Variants in ACTR3C observed in about 807,000 individuals in gnomAD.
ACTR3C encodes the protein actin-related protein 3C.
Under a neutral mutation model 26.3 loss-of-function variants are expected in ACTR3C, and 18 were observed. That is an observed-to-expected ratio of 0.68 (90% CI 0.47 to 1.01). The LOEUF is 1.01. Among genes scored for constraint, ACTR3C ranks in the 50% least tolerant of loss-of-function variants. ACTR3C has a pLI of 0.00. For synonymous variants in ACTR3C, 55 were observed against 94.5 expected (o/e 0.58, Z 2.42); for missense variants, 184 against 250.7 (o/e 0.73, Z 1.80).
chr7:150,212,338 A>G, the ACTR3C span, among the ~76,000 whole-genome samples: 2 of 149,152 alleles, frequency 1.3e-5, no homozygotes, highest in African/African-American at 5.2e-5. Context: ...ACTGCCCTCT[A>G]TTCCTGGAAA....
chr7:150,179,480 G>A, the ACTR3C span, among the ~76,000 whole-genome samples: 4 of 145,178 alleles, frequency 2.8e-5, no homozygotes, highest in Non-Finnish European at 6.0e-5. Context: ...ATAAACCACA[G>A]TAAACCAGCT....
At chr7:150,096,367 T>G in the ACTR3C span, among the ~76,000 whole-genome samples, 29 of 151,268 alleles carry the variant, frequency 1.9e-4, 1 homozygote, top group African/African-American at 5.4e-4. Flanking sequence ...CACCCCTATG[T>G]CTCCATGAAC....
chr7:150,034,599 T>C, the ACTR3C span, among the ~76,000 whole-genome samples: 3 of 151,654 alleles, frequency 2.0e-5, no homozygotes, highest in Non-Finnish European at 4.4e-5. Flanking sequence ...CTCCGGTAGA[T>C]TGCAAATAAC....
At chr7:150,104,816 T>C in the ACTR3C span, among the ~76,000 whole-genome samples, 1 of 152,062 alleles carries the variant, frequency 6.6e-6, no homozygotes. Context: ...GGCCTAAGTC[T>C]GTCAATGACT....
At chr7:150,144,927 G>A in the ACTR3C span, among the ~76,000 whole-genome samples, 2 of 151,744 alleles carry the variant, frequency 1.3e-5, no homozygotes, top group Non-Finnish European at 2.9e-5. This position sits in a 1 kb window ranked among gnomAD's most constrained non-coding sequence, Gnocchi z 4.6. Context: ...GCGTGCTCCT[G>A]TAGTCCCAGC....
the ACTR3C span, among the ~76,000 whole-genome samples, chr7:150,043,328 G>C: frequency 6.6e-6 from 1 of 151,454 alleles, no homozygotes; most frequent in Non-Finnish European, 1.5e-5. Context: ...CTTGCGGGGG[G>C]TGTCTCCCCA....
chr7:150,194,271 T>G, the ACTR3C span, among the ~76,000 whole-genome samples: 1 of 146,984 alleles, frequency 6.8e-6, no homozygotes, highest in African/African-American at 2.5e-5. Flanking sequence ...TTCTTTTATA[T>G]ATTATTATAT....
At chr7:150,026,332 G>A in the ACTR3C span, among the ~76,000 whole-genome samples, 1 of 151,976 alleles carries the variant, frequency 6.6e-6, no homozygotes, top group Non-Finnish European at 1.5e-5. Context: ...TACATGATAA[G>A]CCACTATTTT....
the ACTR3C span, among the ~76,000 whole-genome samples, chr7:150,033,866 C>G: frequency 6.7e-6 from 1 of 150,356 alleles, no homozygotes; most frequent in African/African-American, 2.5e-5. Context: ...CGATGGGGAT[C>G]CTAAGAGCAA....
chr7:150,280,082 C>G (rs1448512464), intron 6 of ACTR3C, among the ~76,000 whole-genome samples: 4 of 152,174 alleles, frequency 2.6e-5, no homozygotes, highest in African/African-American at 7.2e-5. Flanking sequence ...CTGGCTGATC[C>G]AAGAGTGGGC....
the ACTR3C span, among the ~76,000 whole-genome samples, chr7:149,885,433 C>T: frequency 5.3e-5 from 8 of 152,320 alleles, no homozygotes; most frequent in East Asian, 3.9e-4. Flanking sequence ...GGTCCCTCTG[C>T]GAGCTGGTGC....
At chr7:150,256,843 A>G (rs1311084333) in intron 6 of ACTR3C, among the ~76,000 whole-genome samples, 8 of 152,230 alleles carry the variant, frequency 5.3e-5, no homozygotes, top group Non-Finnish European at 4.4e-5. Context: ...ACATGTAGAG[A>G]ACATTCCACC....
At chr7:150,082,792 A>G in the ACTR3C span, among the ~76,000 whole-genome samples, 10 of 152,044 alleles carry the variant, frequency 6.6e-5, no homozygotes, top group Non-Finnish European at 1.5e-4. Flanking sequence ...TCCTTATTTC[A>G]TCTTATCTCC....
the ACTR3C span, among the ~76,000 whole-genome samples, chr7:150,079,046 A>C: frequency 6.6e-6 from 1 of 152,088 alleles, no homozygotes; most frequent in East Asian, 1.9e-4. Flanking sequence ...CCCCACATAC[A>C]CAGGGGATAA....
At chr7:150,198,762 T>C in the ACTR3C span, among the ~76,000 whole-genome samples, 2 of 91,858 alleles carry the variant, frequency 2.2e-5, no homozygotes, top group Non-Finnish European at 2.0e-5. Flanking sequence ...TGGGGGGGGG[T>C]CAGCCCCCCG....
chr7:150,198,814 GC>G, the ACTR3C span, among the ~76,000 whole-genome samples: 8 of 141,186 alleles, frequency 5.7e-5, no homozygotes, highest in East Asian at 1.5e-3. Context: ...GGGGGGGTCA[GC>G]CCCCCGCCCG....
At chr7:149,918,186 T>C in the ACTR3C span, among the ~76,000 whole-genome samples, 2 of 152,258 alleles carry the variant, frequency 1.3e-5, no homozygotes, top group South Asian at 4.1e-4. Flanking sequence ...TTCTCTATGT[T>C]ACTTCGTATA....
chr7:150,139,033 G>A, the ACTR3C span, among the ~76,000 whole-genome samples: 1 of 152,268 alleles, frequency 6.6e-6, no homozygotes. Context: ...ATTATGGGGA[G>A]TTGTACAGGT....
intron 6 of ACTR3C, among the ~76,000 whole-genome samples, chr7:150,257,836 T>C (rs1833330818): frequency 1.3e-5 from 2 of 152,020 alleles, no homozygotes; most frequent in Non-Finnish European, 2.9e-5. Flanking sequence ...ATAAAGAATG[T>C]GCTGGGAGAG....
Sources: allele counts gnomAD v4.1 joint callset (sites outside exome capture counted in the v4.1 genomes callset), GRCh38; gene constraint gnomAD v4.1.1; non-coding constraint Gnocchi (gnomAD v3.1); transcripts MANE v1.5; gene names NCBI Gene and HGNC (gene_info 2026-07-23, HGNC 2026-07-21).